GJE1: variants seen among roughly 807,000 people sequenced by gnomAD.
The protein encoded by GJE1 is gap junction protein epsilon 1, also known as gap junction epsilon-1 protein.
In GJE1, 9 loss-of-function variants were observed where a neutral mutation model predicts 6.2. That is an observed-to-expected ratio of 1.45 (90% confidence interval 0.87 to 2.52). The LOEUF (loss-of-function observed/expected upper bound fraction) is 2.52. Ranked by LOEUF, GJE1 falls within the 30% of genes most tolerant of loss-of-function variation. The pLI, the probability that GJE1 is intolerant of heterozygous loss-of-function variation, is 0.00. For missense variants in GJE1, 190 were observed against 87.7 expected (o/e 2.17, Z -4.66); for synonymous variants, 65 against 30.1 (o/e 2.16, Z -3.80).
chr6:142,134,685 G>C (rs547675373), exon 3 of GJE1: 21 of 695,436 alleles, frequency 3.0e-5, no homozygotes, highest in Non-Finnish European at 5.0e-5. Flanking sequence ...TTAGTCTAGC[G>C]GCAATAGCAT....
exon 3 of GJE1, chr6:142,134,854 A>G (rs1778221863): frequency 1.6e-6 from 1 of 641,016 alleles, no homozygotes; most frequent in Non-Finnish European, 2.8e-6. Context: ...AACAATTACA[A>G]TTTTATTATT....
chr6:142,134,007 A>G (rs1343841166), exon 2 of GJE1: 3 of 702,330 alleles, frequency 4.3e-6, no homozygotes, highest in Middle Eastern at 4.6e-4. Flanking sequence ...TTCTGTTACA[A>G]TCAGTTCAGG....
At chr6:142,135,046 A>G (rs1223398672) in exon 3 of GJE1, 2 of 442,234 alleles carry the variant, frequency 4.5e-6, no homozygotes, top group Non-Finnish European at 8.0e-6. Flanking sequence ...TCTACTATAA[A>G]ATATAGTGCC....
intron 2 of GJE1, 51 bp from the exon 3 acceptor site, chr6:142,134,488 A>G (rs1778209801): frequency 4.2e-6 from 2 of 476,014 alleles, no homozygotes; most frequent in Non-Finnish European, 7.4e-6. Flanking sequence ...TTAGTTACAT[A>G]TTGATTAATT....
intron 1 of GJE1, 64 bp from the exon 2 acceptor site, chr6:142,133,786 T>C (rs898783907): frequency 7.3e-6 from 4 of 548,588 alleles, no homozygotes; most frequent in Non-Finnish European, 1.3e-5. Context: ...TATAAGGATT[T>C]TTTTAAATGT....
downstream of GJE1, among the ~76,000 whole-genome samples, chr6:142,135,346 G>A (rs900495756): frequency 6.6e-6 from 1 of 152,002 alleles, no homozygotes; most frequent in African/African-American, 2.4e-5. Flanking sequence ...ATTTGAGGGT[G>A]TAATTATTTT....
At chr6:142,134,270 G>C (rs1331596152) in intron 2 of GJE1, among the ~76,000 whole-genome samples, 1 of 151,808 alleles carries the variant, frequency 6.6e-6, no homozygotes, top group East Asian at 1.9e-4. Flanking sequence ...TCTATATTTG[G>C]GATATAGACT....
rs904183166 is a variant in GJE1, at chr6:142,133,831, T to C, written c.40-19T>C. The C allele has an allele frequency of 3.3e-6, 2 of 613,784 alleles. No individual in the cohort carries two copies. The highest frequency in any genetic ancestry group is 3.0e-6 in the Non-Finnish European group (1 of 334,956). 38.0% of individuals were successfully genotyped at this position (613,784 alleles called of 1,614,324 possible). Reference sequence around the variant, plus strand: ...ATGTTTGTGTTTAAAAGATTTTTTTTCTCCTAAAACCATAACAGGTTAAAC... The same window carrying C: ...ATGTTTGTGTTTAAAAGATTTTTTTCCTCCTAAAACCATAACAGGTTAAAC... On this transcript the variant is annotated intron_variant, in intron 1 of 2. Coordinates refer to ENST00000450456, the Ensembl canonical transcript of GJE1.
At chr6:142,133,369 G>T (rs575260106) in intron 1 of GJE1, among the ~76,000 whole-genome samples, 172 bp downstream of exon 1, 8 of 152,206 alleles carry the variant, frequency 5.3e-5, no homozygotes, top group African/African-American at 1.4e-4. Flanking sequence ...AAAAATTCAG[G>T]AAGTGTCTTT....
chr6:142,135,103 G>T, exon 3 of GJE1: 1 of 330,924 alleles, frequency 3.0e-6, no homozygotes, highest in South Asian at 1.1e-4. Context: ...TTTTAATTTT[G>T]ATCACTTTTA....
At chr6:142,134,559 C>G (rs1311403700) in exon 3 of GJE1, 2 of 583,820 alleles carry the variant, frequency 3.4e-6, no homozygotes, top group Non-Finnish European at 6.0e-6. Flanking sequence ...TAGTTATTGT[C>G]CTGGTTCCTG....
At chr6:142,134,658 C>G (rs1435171272) in exon 3 of GJE1, 1 of 695,800 alleles carries the variant, frequency 1.4e-6, no homozygotes, top group Non-Finnish European at 2.6e-6. Flanking sequence ...TTTATATACT[C>G]TCTGTTTTAT....
In GJE1 at chr6:142,133,128, A is replaced by T. The variant is rs1421765650; in HGVS notation, c.-31A>T. 25 of 655,712 alleles carry T rather than the reference A, an allele frequency of 3.8e-5. No individual in the cohort carries two copies. In the East Asian group the frequency reaches 4.6e-4, roughly 12 times the overall value. The allele number at this position is 655,712 out of a possible 1,614,324, so 40.6% of individuals were successfully genotyped here. On this transcript the variant is annotated 5_prime_UTR_variant, in exon 1 of 3. Transcript: ENST00000450456. ...GGCAATGTGGGTCAAGAATTAACCA[A>T]CAGGAATGCCAGGATAACATCTCCT...
At chr6:142,133,911 T>C in exon 2 of GJE1, 1 of 702,480 alleles carries the variant, frequency 1.4e-6, no homozygotes, top group Non-Finnish European at 2.6e-6. Context: ...ATCCGAATAT[T>C]CTTCCTCGGG....
chr6:142,133,263 A>AT, intron 1 of GJE1, 66 bp downstream of exon 1: 1 of 576,696 alleles, frequency 1.7e-6, no homozygotes, highest in Non-Finnish European at 3.1e-6. Context: ...CCTGAATTGC[A>AT]TAAGTCTTGG....
exon 3 of GJE1, chr6:142,134,602 A>G: frequency 1.5e-6 from 1 of 665,890 alleles, no homozygotes; most frequent in African/African-American, 1.8e-5. Flanking sequence ...TGCATGTAAA[A>G]GCATCAATCA....
chr6:142,134,666 TA>T lies in GJE1; in HGVS notation c.363del (p.Leu121PhefsTer2). 1.4e-6 allele frequency: 1 copy of T among 695,444 alleles called. No homozygotes were observed. The highest frequency in any genetic ancestry group is 1.5e-5 in the South Asian group (1 of 65,746). The allele number at this position is 695,444 out of a possible 1,614,324, so 43.1% of individuals were successfully genotyped here. A position where few individuals can be genotyped will look rare whatever the true frequency, so the allele number is the denominator to read the frequency against. On this transcript the variant is annotated frameshift_variant, in exon 3 of 3. Coordinates refer to ENST00000450456, the Ensembl canonical transcript of GJE1. LOFTEE classifies it high-confidence loss of function. ...ACTATAATTTATATACTCTCTGTTT[TA>T]TTAAGAATTAGTCTAGCGGCAATAG... is the stretch of plus-strand genomic sequence containing the variant.
chr6:142,133,764 T>G, intron 1 of GJE1, 86 bp from the exon 2 acceptor site: 1 of 530,088 alleles, frequency 1.9e-6, no homozygotes, highest in Non-Finnish European at 3.4e-6. Context: ...CTCTTACATT[T>G]TTTAAATGTG....
exon 1 of GJE1, chr6:142,133,147 A>G: frequency 3.0e-6 from 2 of 670,930 alleles, no homozygotes; most frequent in Non-Finnish European, 2.7e-6. Flanking sequence ...CCAGGATAAC[A>G]TCTCCTGAGA....
Sources: allele counts gnomAD v4.1 joint callset (sites outside exome capture counted in the v4.1 genomes callset), GRCh38; gene constraint gnomAD v4.1.1; transcripts MANE v1.5; gene names NCBI Gene and HGNC (gene_info 2026-07-23, HGNC 2026-07-21).